Variants in OTOGL observed in about 807,000 individuals in gnomAD.
The protein encoded by OTOGL is otogelin-like protein.
A neutral mutation model predicts 318.5 loss-of-function variants in OTOGL; 285 were observed. The ratio of observed to expected loss-of-function variants is 0.89; its 90% confidence interval spans 0.81 to 0.99. OTOGL has a LOEUF of 0.99. Ranked by LOEUF, OTOGL falls within the 50% of genes least tolerant of loss-of-function variation. OTOGL has a pLI of 0.00. For synonymous variants in OTOGL, 987 were observed against 936.5 expected (o/e 1.05, Z -0.99); for missense variants, 2,899 against 2,845.6 (o/e 1.02, Z -0.43).
At chr12:80,194,524 A>G (rs1875911430) in intron 1 of OTOGL, among the ~76,000 whole-genome samples, 1 of 152,194 alleles carries the variant, frequency 6.6e-6, no homozygotes, top group Non-Finnish European at 1.5e-5. Flanking sequence ...TAATCCCATA[A>G]CCAAAAACAT....
At chr12:80,367,242 T>C (rs962397504) in intron 53 of OTOGL, among the ~76,000 whole-genome samples, 9 of 151,588 alleles carry the variant, frequency 5.9e-5, no homozygotes, top group African/African-American at 2.2e-4. Context: ...CACAAAGTAC[T>C]GGGATTATAG....
At chr12:80,121,565 C>T (rs1870489908) in intron 1 of OTOGL, among the ~76,000 whole-genome samples, 1 of 152,068 alleles carries the variant, frequency 6.6e-6, no homozygotes, top group Non-Finnish European at 1.5e-5. Context: ...ATCAACCACC[C>T]CACGAAACAA....
At chr12:80,182,664 A>G (rs1402667477) in intron 1 of OTOGL, among the ~76,000 whole-genome samples, 2 of 152,202 alleles carry the variant, frequency 1.3e-5, no homozygotes, top group Non-Finnish European at 2.9e-5. Flanking sequence ...AATTTTTCAG[A>G]TAGAATGCAG....
At chr12:80,210,364 A>T (rs1877155177) in intron 2 of OTOGL, among the ~76,000 whole-genome samples, 1 of 152,128 alleles carries the variant, frequency 6.6e-6, no homozygotes, top group South Asian at 2.1e-4. Context: ...TGTAGGGGAA[A>T]TTGGAGAAAT....
intron 57 of OTOGL, among the ~76,000 whole-genome samples, chr12:80,376,168 C>A (rs1368515186): frequency 6.6e-6 from 1 of 152,104 alleles, no homozygotes; most frequent in Admixed American, 6.6e-5. Flanking sequence ...ATTTGGAGGT[C>A]ATGAGTGACC....
At chr12:80,256,626 T>C (rs1184050580) in intron 17 of OTOGL, among the ~76,000 whole-genome samples, 166 bp downstream of exon 17, 1 of 152,082 alleles carries the variant, frequency 6.6e-6, no homozygotes, top group Non-Finnish European at 1.5e-5. Flanking sequence ...ATAGTGATGA[T>C]GATTATGTTT....
rs11832918 is a variant in OTOGL, at chr12:80,140,803, G to C, written c.-20+41198G>C. Among the ~76,000 whole-genome samples, 256 of 152,244 alleles carry C rather than the reference G, an allele frequency of 1.7e-3. 1 individual carries two copies. Among genetic ancestry groups the C allele is most frequent in the African/African-American group, 5.5e-3 (227 of 41,548 alleles). ...TGTAATGTGAACTTGATCATTTTAAGTATTAAATGTGAATTTCTGACTAAG... is the reference window on the plus strand; with the variant it reads ...TGTAATGTGAACTTGATCATTTTAACTATTAAATGTGAATTTCTGACTAAG... On this transcript the variant is annotated intron_variant, in intron 1 of 58. Transcript: ENST00000547103.
chr12:80,118,368 A>T (rs1350178307), intron 1 of OTOGL, among the ~76,000 whole-genome samples: 1 of 152,170 alleles, frequency 6.6e-6, no homozygotes, highest in Non-Finnish European at 1.5e-5. Context: ...TGATGGGTAA[A>T]CTACATTATT....
At chr12:80,306,339 AT>A (rs1463453435) in intron 29 of OTOGL, among the ~76,000 whole-genome samples, 6 of 152,260 alleles carry the variant, frequency 3.9e-5, no homozygotes, top group Admixed American at 1.3e-4. Flanking sequence ...AAGTAGTGTT[AT>A]ATGAAACACA....
chr12:80,178,629 A>C (rs758988643), intron 1 of OTOGL, among the ~76,000 whole-genome samples: 1 of 152,126 alleles, frequency 6.6e-6, no homozygotes, highest in Non-Finnish European at 1.5e-5. Flanking sequence ...GGGACAATCA[A>C]AATGCTTACC....
intron 1 of OTOGL, among the ~76,000 whole-genome samples, chr12:80,196,211 T>TC (rs1876055684): frequency 6.6e-6 from 1 of 152,086 alleles, no homozygotes; most frequent in Non-Finnish European, 1.5e-5. Context: ...TGAGCTACAG[T>TC]CCCCCTCCTT....
At chr12:80,370,304 C>G (rs1014804178) in intron 55 of OTOGL, among the ~76,000 whole-genome samples, 1 of 151,882 alleles carries the variant, frequency 6.6e-6, no homozygotes, top group African/African-American at 2.4e-5. Flanking sequence ...TCACATTTAC[C>G]TCTCAGTTCT....
intron 1 of OTOGL, among the ~76,000 whole-genome samples, chr12:80,203,493 G>A (rs188171977): frequency 2.4e-4 from 37 of 152,222 alleles, no homozygotes; most frequent in Admixed American, 2.4e-3. Flanking sequence ...TTTGTTGAGG[G>A]GGTGGAGGGC....
Position 80,353,509 on chromosome 12 carries a change from TG to T in OTOGL, c.5593+1del. ...CCCAGTGCATTCCAGAGAAAGAGTG[TG>T]GTAAGACACAAAGTACAAAATGACT... ...SAQCIPEKEC[A>X]CTDSEDQPRT... On this transcript the variant is annotated frameshift_variant and splice_region_variant, in exon 46 of 59. Coordinates refer to ENST00000547103, the MANE Select transcript of OTOGL (RefSeq NM_001378609.3). LOFTEE classifies it high-confidence loss of function. The T allele has an allele frequency of 6.5e-7, 1 of 1,541,566 alleles. No individual in the cohort carries two copies. The highest frequency in any genetic ancestry group is 8.8e-7 in the Non-Finnish European group (1 of 1,141,956).
Position 80,254,623 on chromosome 12 carries a change from G to A in OTOGL, c.1441+53G>A, listed in dbSNP as rs975817045. 21 of 1,400,626 alleles carry A rather than the reference G, an allele frequency of 1.5e-5. No individual in the cohort carries two copies. In the African/African-American group the frequency reaches 2.0e-4, roughly 13 times the overall value. The allele number at this position is 1,400,626 out of a possible 1,614,324, so 86.8% of individuals were successfully genotyped here. ...AATGTTTCAAATTTCTTTAGACTGG[G>A]GAGAAAGATAGCACTGATCTTTATG... On this transcript the variant is annotated intron_variant, in intron 15 of 58. Transcript: ENST00000547103.
chr12:80,375,409 G>A (rs996902), intron 57 of OTOGL, among the ~76,000 whole-genome samples: 108,563 of 152,054 alleles, frequency 0.71, 40,720 homozygotes, highest in Non-Finnish European at 0.84. Context: ...ATGAAGCAAT[G>A]TCTGCATGGA....
At chr12:80,134,510 G>A (rs1214349654) in intron 1 of OTOGL, among the ~76,000 whole-genome samples, 1 of 152,048 alleles carries the variant, frequency 6.6e-6, no homozygotes, top group Non-Finnish European at 1.5e-5. Flanking sequence ...TGTGATTTTG[G>A]TATCCTCCAC....
rs1330198121 is a variant in OTOGL, at chr12:80,203,612, C to A, written c.-19-5801C>A. On this transcript the variant is annotated intron_variant, in intron 1 of 58. Coordinates refer to ENST00000547103, the MANE Select transcript of OTOGL (RefSeq NM_001378609.3). Reference sequence around the variant, plus strand: ...TTGCATAAAGAGCGAGGTAAGAGTACCAAAATTAAATAACACATCTACTTC... The same window carrying A: ...TTGCATAAAGAGCGAGGTAAGAGTAACAAAATTAAATAACACATCTACTTC... Among the ~76,000 whole-genome samples, 3 of 152,020 alleles carry A rather than the reference C, an allele frequency of 2.0e-5. No homozygotes were observed. The East Asian group carries it at 5.8e-4, about 29-fold the overall frequency.
chr12:80,222,891 A>G (rs1358138245), intron 7 of OTOGL, among the ~76,000 whole-genome samples: 11 of 152,120 alleles, frequency 7.2e-5, no homozygotes, highest in Non-Finnish European at 1.6e-4. Flanking sequence ...AAATATTAAA[A>G]GTAGGCCCTG....
Sources: gnomAD v4.1 joint callset for allele counts (sites outside exome capture counted in the v4.1 genomes callset) on GRCh38, gnomAD v4.1.1 for gene constraint, MANE v1.5 for transcripts, NCBI Gene and HGNC (gene_info 2026-07-23, HGNC 2026-07-21) for gene names.